CDH18: variants seen among roughly 807,000 people sequenced by gnomAD.
CDH18 encodes cadherin-18.
In CDH18, 31 loss-of-function variants were observed where a neutral mutation model predicts 67.9. That is an observed-to-expected ratio of 0.46 (90% confidence interval 0.34 to 0.62). The LOEUF is 0.62. CDH18 is among the 20% of genes least tolerant of loss of function. The pLI, the probability that CDH18 is intolerant of heterozygous loss-of-function variation, is 0.01. For missense variants in CDH18, 890 were observed against 975.5 expected (o/e 0.91, Z 1.17); for synonymous variants, 362 against 347.2 (o/e 1.04, Z -0.48).
chr5:20,230,765 G>A (rs1168875442), intron 2 of CDH18, among the ~76,000 whole-genome samples: 1 of 152,020 alleles, frequency 6.6e-6, no homozygotes, highest in African/African-American at 2.4e-5. Flanking sequence ...TTCTAGAATA[G>A]TTTTATTTTC....
At chr5:20,112,581 T>C (rs1294273186) in intron 2 of CDH18, among the ~76,000 whole-genome samples, 3 of 151,838 alleles carry the variant, frequency 2.0e-5, no homozygotes, top group Non-Finnish European at 4.4e-5. Flanking sequence ...GAGAATTGCT[T>C]GAGAAAAATA....
At chr5:20,177,255 G>T (rs1737307147) in intron 2 of CDH18, among the ~76,000 whole-genome samples, 1 of 151,924 alleles carries the variant, frequency 6.6e-6, no homozygotes, top group Non-Finnish European at 1.5e-5. Context: ...TCCTACAGAG[G>T]GCAGTACTGG....
At chr5:20,539,677 A>G (rs918825100) in intron 1 of CDH18, among the ~76,000 whole-genome samples, 1 of 151,946 alleles carries the variant, frequency 6.6e-6, no homozygotes, top group African/African-American at 2.4e-5. Context: ...TTTAGGTAAG[A>G]TAGTTTTAAA....
chr5:20,418,820 G>A (rs1580956795), intron 1 of CDH18, among the ~76,000 whole-genome samples: 1 of 152,054 alleles, frequency 6.6e-6, no homozygotes, highest in East Asian at 1.9e-4. Context: ...AAATCCTCAC[G>A]TCCTAATGTG....
At chr5:19,711,999 C>G (rs1478784878) in intron 5 of CDH18, among the ~76,000 whole-genome samples, 3 of 152,034 alleles carry the variant, frequency 2.0e-5, no homozygotes, top group African/African-American at 7.2e-5. Context: ...GAAATCATGT[C>G]TTTTGCAGGA....
chr5:20,117,992 G>C (rs1020889634), intron 2 of CDH18, among the ~76,000 whole-genome samples: 12 of 152,124 alleles, frequency 7.9e-5, no homozygotes, highest in African/African-American at 2.2e-4. Flanking sequence ...GTGTGTGGGG[G>C]GAGAGTATGT....
chr5:20,246,065 T>G (rs774006634), intron 2 of CDH18, among the ~76,000 whole-genome samples: 1 of 152,164 alleles, frequency 6.6e-6, no homozygotes, highest in Non-Finnish European at 1.5e-5. Flanking sequence ...TATAAAATTA[T>G]GGAAAATGTT....
At chr5:19,528,663 T>C (rs1425316049) in intron 9 of CDH18, among the ~76,000 whole-genome samples, 1 of 151,918 alleles carries the variant, frequency 6.6e-6, no homozygotes, top group African/African-American at 2.4e-5. Flanking sequence ...CTGAGTTATT[T>C]ATGAAGCTAT....
chr5:19,730,988 T>C (rs1396197294), intron 4 of CDH18, among the ~76,000 whole-genome samples: 1 of 152,202 alleles, frequency 6.6e-6, no homozygotes, highest in Non-Finnish European at 1.5e-5. Flanking sequence ...GCTGGATGGC[T>C]ACTTAAAATT....
At chr5:20,269,450 GAATA>G (rs1442534432) in intron 1 of CDH18, among the ~76,000 whole-genome samples, 3 of 151,974 alleles carry the variant, frequency 2.0e-5, no homozygotes, top group Non-Finnish European at 2.9e-5. Context: ...ATTCACAATA[GAATA>G]TATATGGAAT....
chr5:20,470,259 A>G (rs1157495583), intron 1 of CDH18, among the ~76,000 whole-genome samples: 1 of 151,946 alleles, frequency 6.6e-6, no homozygotes, highest in Admixed American at 6.6e-5. Flanking sequence ...TACATCCTCA[A>G]CTACACCACT....
At position 19,510,812 on chromosome 5, in the gene CDH18, A is replaced by ATTTT. The variant is rs34739655; in HGVS notation, c.1513-7707_1513-7704dup. On this transcript the variant is annotated intron_variant, in intron 10 of 12. Transcript: ENST00000382275. ...TGTTAGTGAGTTCTCAGGAGATCTGATTTTTTTTTTTTTTCTGAGACCAAG... is the reference window on the plus strand; with the variant it reads ...TGTTAGTGAGTTCTCAGGAGATCTGATTTTTTTTTTTTTTTTTTCTGAGACCAAG... Among the ~76,000 whole-genome samples, 4 of 144,166 alleles carry ATTTT rather than the reference A, an allele frequency of 2.8e-5. No homozygotes were observed. The South Asian group carries it at 6.7e-4, about 24-fold the overall frequency. 94.6% of individuals were successfully genotyped at this position (144,166 alleles called of 152,430 possible).
intron 9 of CDH18, among the ~76,000 whole-genome samples, chr5:19,525,735 G>C (rs2126940987): frequency 6.6e-6 from 1 of 152,190 alleles, no homozygotes; most frequent in Non-Finnish European, 1.5e-5. Flanking sequence ...CTGTAGTTGT[G>C]AACTGAAAAC....
intron 1 of CDH18, among the ~76,000 whole-genome samples, chr5:20,528,758 A>T (rs1016009342): frequency 2.6e-5 from 4 of 152,084 alleles, no homozygotes; most frequent in Non-Finnish European, 5.9e-5. Flanking sequence ...TAAAAGAGAA[A>T]TTTATAGCAC....
chr5:19,593,063 T>G (rs1236225429), intron 6 of CDH18, among the ~76,000 whole-genome samples: 1 of 152,150 alleles, frequency 6.6e-6, no homozygotes, highest in African/African-American at 2.4e-5. Context: ...CTCTACATTC[T>G]CTGTCTATGG....
intron 5 of CDH18, among the ~76,000 whole-genome samples, chr5:19,699,539 G>T (rs1762941123): frequency 1.3e-5 from 2 of 152,114 alleles, no homozygotes; most frequent in South Asian, 4.2e-4. Context: ...ATAAGGGTAA[G>T]CCCTCACGAA....
At chr5:19,553,533 C>A (rs866466289) in intron 8 of CDH18, among the ~76,000 whole-genome samples, 8 of 151,508 alleles carry the variant, frequency 5.3e-5, no homozygotes, top group Middle Eastern at 3.5e-3. Context: ...TTTTGTCACC[C>A]AAGCAGTTGT....
At chr5:19,974,376 T>C (rs13179659) in intron 2 of CDH18, among the ~76,000 whole-genome samples, 66,872 of 151,408 alleles carry the variant, frequency 0.44, 16,550 homozygotes, top group Middle Eastern at 0.66. Context: ...TACTAAAATA[T>C]AAAGATTAGC....
At chr5:20,244,531 C>T (rs1743226638) in intron 2 of CDH18, among the ~76,000 whole-genome samples, 1 of 151,962 alleles carries the variant, frequency 6.6e-6, no homozygotes, top group African/African-American at 2.4e-5. Flanking sequence ...CCCTCCTCTT[C>T]CAAATTTCTC....
Sources: gnomAD v4.1 joint callset for allele counts (sites outside exome capture counted in the v4.1 genomes callset) on GRCh38, gnomAD v4.1.1 for gene constraint, MANE v1.5 for transcripts, NCBI Gene and HGNC (gene_info 2026-07-23, HGNC 2026-07-21) for gene names.